VAV2: variants seen among roughly 807,000 people sequenced by gnomAD.
VAV2 encodes the protein vav guanine nucleotide exchange factor 2, also known as guanine nucleotide exchange factor VAV2.
Under a neutral mutation model 132.5 loss-of-function variants are expected in VAV2, and 67 were observed. The observed-to-expected ratio is 0.51, with a 90% CI of 0.42 to 0.62. The LOEUF is 0.62. Ranked by LOEUF, VAV2 falls within the 20% of genes least tolerant of loss-of-function variation. The pLI is 0.00. For missense variants in VAV2, 938 were observed against 1,153.6 expected (o/e 0.81, Z 2.71); for synonymous variants, 492 against 443.5 (o/e 1.11, Z -1.37).
intron 1 of VAV2, among the ~76,000 whole-genome samples, chr9:133,973,937 G>A (rs772796655): frequency 3.9e-4 from 59 of 152,328 alleles, no homozygotes; most frequent in Non-Finnish European, 6.9e-4. Context: ...AAATGAGGAC[G>A]TGGAAGCAGG....
rs1208428545 is a variant in VAV2, at chr9:133,991,198, CCT to C, written c.204+875_204+876del. On this transcript the variant is annotated intron_variant, in intron 1 of 29. Transcript: ENST00000371850. This position sits in a 1 kb window ranked among gnomAD's most constrained non-coding sequence, Gnocchi z 4.8. ...CTGCCACCCGCTCTGCCTCCCCCGA[CCT>C]CTTCTAAGCTGCTCCCGGTAAGGAT... is the stretch of plus-strand genomic sequence containing the variant. 1.3e-5 allele frequency among the ~76,000 whole-genome samples: 2 copies of C among 152,212 alleles called. No individual in the cohort carries two copies. Among genetic ancestry groups the C allele is most frequent in the African/African-American group, 2.4e-5 (1 of 41,460 alleles).
intron 2 of VAV2, among the ~76,000 whole-genome samples, chr9:133,929,329 C>G (rs1438000863): frequency 6.6e-6 from 1 of 152,084 alleles, no homozygotes; most frequent in Non-Finnish European, 1.5e-5. Flanking sequence ...GTGGCAACAA[C>G]CGGGGAGCAG....
Position 133,875,288 on chromosome 9 carries a change from A to G in VAV2, c.322-13856T>C, listed in dbSNP as rs369617574. Among the ~76,000 whole-genome samples, 5 of 152,298 alleles carry G rather than the reference A, an allele frequency of 3.3e-5. No individual in the cohort carries two copies. The East Asian group carries it at 9.7e-4, about 29-fold the overall frequency. Reference sequence around the variant, plus strand: ...CCAAGGCCAGACCCAGTCCCCAGCCACTGCCTGGCCTGGCTTCACAGAGCC... The same window carrying G: ...CCAAGGCCAGACCCAGTCCCCAGCCGCTGCCTGGCCTGGCTTCACAGAGCC... On this transcript the variant is annotated intron_variant, in intron 2 of 29. Transcript: ENST00000371850.
rs577479842 is a variant in VAV2, at chr9:133,961,707, G to A, written c.205-22488C>T. The stretch of plus-strand genomic sequence containing the variant: ...GCAAACCCCTAGCCGGTTTGCCTGC[G>A]AACTCCCAAGCCAGCTGCAGAAAAG... On this transcript the variant is annotated intron_variant, in intron 1 of 29. Transcript: ENST00000371850. The surrounding 1 kb of genome is among the most constrained non-coding windows in gnomAD (Gnocchi z 4.1). Among the ~76,000 whole-genome samples, 2 of 152,250 alleles carry A rather than the reference G, an allele frequency of 1.3e-5. No individual in the cohort carries two copies. The highest frequency in any genetic ancestry group is 6.5e-5 in the Admixed American group (1 of 15,296).
At chr9:133,868,451 A>AT (rs1768232013) in intron 2 of VAV2, among the ~76,000 whole-genome samples, 1 of 152,166 alleles carries the variant, frequency 6.6e-6, no homozygotes, top group Admixed American at 6.5e-5. Flanking sequence ...CATCTGTGAG[A>AT]TGGGGATAAC....
intron 12 of VAV2, among the ~76,000 whole-genome samples, chr9:133,792,199 AC>A (rs1480890994): frequency 1.8e-4 from 19 of 104,126 alleles, no homozygotes; most frequent in Admixed American, 3.3e-4. Context: ...GGTGTGTGTG[AC>A]TGTGTGTGTG....
chr9:133,809,557 T>A (rs2131695467), intron 6 of VAV2, among the ~76,000 whole-genome samples: 1 of 152,316 alleles, frequency 6.6e-6, no homozygotes, highest in East Asian at 1.9e-4. Flanking sequence ...TGGCAGACTG[T>A]GTGCTCGGCT....
rs12551903 is a variant in VAV2 at position 133,798,713 on chromosome 9, G to A, written c.837-904C>T. Among the ~76,000 whole-genome samples, 1,179 of 152,314 alleles carry A rather than the reference G, an allele frequency of 7.7e-3. 25 individuals are homozygous for A. The highest frequency in any genetic ancestry group is 0.043 in the Admixed American group (663 of 15,296). ...ACAAGGATGACAAGAGCCACCACTC[G>A]CTGAGGCAGCTGCTGCCAGGTGCTC... is the stretch of plus-strand genomic sequence containing the variant. On this transcript the variant is annotated intron_variant, in intron 9 of 29. Coordinates refer to ENST00000371850, the MANE Select transcript of VAV2 (RefSeq NM_001134398.2).
intron 2 of VAV2, among the ~76,000 whole-genome samples, chr9:133,904,694 G>A (rs1159557189): frequency 6.6e-6 from 1 of 152,260 alleles, no homozygotes; most frequent in Admixed American, 6.5e-5. Flanking sequence ...CAGGTGTGCA[G>A]CCAGGGCTCC....
At chr9:133,955,860 GCC>G (rs934588114) in intron 1 of VAV2, among the ~76,000 whole-genome samples, 26 of 137,212 alleles carry the variant, frequency 1.9e-4, no homozygotes, top group Admixed American at 4.5e-4. Context: ...CCCGAGGGGA[GCC>G]CTCTAAACCC....
At chr9:133,808,628 C>T (rs533718499) in intron 7 of VAV2, among the ~76,000 whole-genome samples, 3 of 152,296 alleles carry the variant, frequency 2.0e-5, no homozygotes, top group Admixed American at 6.5e-5. Flanking sequence ...TTGTGCAGGA[C>T]ACTCCCAGCC....
At chr9:133,867,077 G>A (rs948774348) in intron 2 of VAV2, among the ~76,000 whole-genome samples, 7 of 152,148 alleles carry the variant, frequency 4.6e-5, no homozygotes, top group African/African-American at 1.4e-4. Flanking sequence ...AGGAGGACAC[G>A]CCCCTGCAGG....
chr9:133,816,185 G>C (rs1177780984), intron 4 of VAV2, among the ~76,000 whole-genome samples: 1 of 152,202 alleles, frequency 6.6e-6, no homozygotes, highest in Non-Finnish European at 1.5e-5. Flanking sequence ...TTGGTTGTCT[G>C]TCTTCTTATT....
intron 17 of VAV2, among the ~76,000 whole-genome samples, chr9:133,784,995 T>G (rs1834160465): frequency 6.6e-6 from 1 of 152,128 alleles, no homozygotes; most frequent in African/African-American, 2.4e-5. Context: ...GGGGAGAAAA[T>G]TACAGGCCAT....
rs368074309 is a variant in VAV2, at chr9:133,778,108, G to A, written c.1891-645C>T. On this transcript the variant is annotated intron_variant, in intron 22 of 29. Coordinates refer to ENST00000371850, the MANE Select transcript of VAV2 (RefSeq NM_001134398.2). ...ATGCTCAACGACATGGGGTCTCAGC[G>A]TGTCAAGAGAAGGGCAAATGTGCCC... is the stretch of plus-strand genomic sequence containing the variant. Among the ~76,000 whole-genome samples, 22 of 151,706 alleles carry A rather than the reference G, an allele frequency of 1.5e-4. No individual in the cohort carries two copies. The East Asian group carries it at 1.6e-3, about 11-fold the overall frequency.
intron 9 of VAV2, among the ~76,000 whole-genome samples, chr9:133,805,279 G>A (rs1835088155): frequency 1.3e-5 from 2 of 152,142 alleles, no homozygotes; most frequent in Non-Finnish European, 2.9e-5. Context: ...TTCCAAGAGT[G>A]GACCCCGGAC....
intron 2 of VAV2, among the ~76,000 whole-genome samples, chr9:133,900,774 T>G (rs975294720): frequency 1.7e-3 from 169 of 97,698 alleles, no homozygotes; most frequent in African/African-American, 4.4e-3. Flanking sequence ...TTGATTTATT[T>G]ATTTATTTAT....
chr9:133,987,349 G>T (rs1219662185), intron 1 of VAV2, among the ~76,000 whole-genome samples: 1 of 152,220 alleles, frequency 6.6e-6, no homozygotes, highest in East Asian at 1.9e-4. Context: ...TGGAGGACAG[G>T]GTGGGGAGAG....
intron 2 of VAV2, among the ~76,000 whole-genome samples, chr9:133,932,844 T>C (rs967348680): frequency 1.3e-5 from 2 of 152,160 alleles, no homozygotes; most frequent in East Asian, 3.8e-4. Flanking sequence ...CTGGAGGGTT[T>C]CCAGGGGTCC....
Sources: allele counts gnomAD v4.1 joint callset (sites outside exome capture counted in the v4.1 genomes callset), GRCh38; gene constraint gnomAD v4.1.1; non-coding constraint Gnocchi (gnomAD v3.1); transcripts MANE v1.5; gene names NCBI Gene and HGNC (gene_info 2026-07-23, HGNC 2026-07-21).